The following STXBP2 variants were observed in gnomAD, a reference collection of about 807,000 sequenced individuals.
STXBP2 encodes syntaxin-binding protein 2.
Under a neutral mutation model 72.2 loss-of-function variants are expected in STXBP2, and 47 were observed. The observed-to-expected ratio is 0.65, with a 90% CI of 0.51 to 0.83. The LOEUF is 0.83. STXBP2 is among the 40% of genes least tolerant of loss of function. The probability of loss-of-function intolerance (pLI) is 0.00; values close to 1 mark genes in which losing one functional copy is unlikely to be tolerated. For missense variants in STXBP2, 702 were observed against 807.6 expected (o/e 0.87, Z 1.58); for synonymous variants, 367 against 338.7 (o/e 1.08, Z -0.92).
the STXBP2 span, chr19:7,630,712 G>A: frequency 6.5e-7 from 1 of 1,531,210 alleles, no homozygotes; most frequent in East Asian, 2.4e-5. Flanking sequence ...GAGAGGGTGT[G>A]GGGCAGCAGT....
Position 7,642,560 on chromosome 19 carries a change from C to T in STXBP2, c.902+24C>T, listed in dbSNP as rs767827616. On this transcript the variant is annotated intron_variant, in intron 10 of 18. Coordinates refer to ENST00000221283, the MANE Select transcript of STXBP2 (RefSeq NM_006949.4). The surrounding 1 kb of genome is among the most constrained non-coding windows in gnomAD (Gnocchi z 6.0). ...AAGTGCGTGCACACGGGGACCGGAT[C>T]CCCCCCCCACCGCCCACTGTGGGCC... 7 of 1,523,326 alleles carry T rather than the reference C, an allele frequency of 4.6e-6. No individual in the cohort carries two copies. Among genetic ancestry groups the T allele is most frequent in the Non-Finnish European group, 6.3e-6 (7 of 1,111,660 alleles). 94.4% of individuals were successfully genotyped at this position (1,523,326 alleles called of 1,614,324 possible).
chr19:7,642,956 C>G lies in STXBP2; in HGVS notation c.961-27C>G. On this transcript the variant is annotated intron_variant, in intron 11 of 18. Transcript: ENST00000221283. The surrounding 1 kb of genome is among the most constrained non-coding windows in gnomAD (Gnocchi z 6.0). Reference sequence around the variant, plus strand: ...CACTGCCTGGCTTCGCCCCCCAATCCCTACCCTCTTCCCCCTACTTCCCCA... The same window carrying G: ...CACTGCCTGGCTTCGCCCCCCAATCGCTACCCTCTTCCCCCTACTTCCCCA... The G allele has an allele frequency of 1.9e-6, 3 of 1,614,094 alleles. No individual in the cohort carries two copies. The highest frequency in any genetic ancestry group is 1.6e-4 in the Middle Eastern group (1 of 6,062).
chr19:7,639,901 TGTGTATAC>T (rs776573107), intron 4 of STXBP2, 94 bp downstream of exon 4: 1 of 1,304,594 alleles, frequency 7.7e-7, no homozygotes, highest in Non-Finnish European at 1.1e-6. Flanking sequence ...CATGTGTGCA[TGTGTATAC>T]GTGTGCATGT....
chr19:7,631,400 G>T, the STXBP2 span: 15 of 883,526 alleles, frequency 1.7e-5, no homozygotes, highest in East Asian at 3.6e-5. Context: ...AGAGGTGGGC[G>T]GGGGGGGGTG....
At chr19:7,641,055 C>A in intron 6 of STXBP2, 52 bp downstream of exon 6, 1 of 1,577,654 alleles carries the variant, frequency 6.3e-7, no homozygotes, top group South Asian at 1.1e-5. Flanking sequence ...GACCAAATGT[C>A]CCCTGTTCCC....
Position 7,647,400 on chromosome 19 carries a change from C to A in STXBP2, c.1585C>A (p.Arg529=), listed in dbSNP as rs766121039. 1 of 1,613,490 alleles carries A rather than the reference C, an allele frequency of 6.2e-7. No homozygotes were observed. The highest frequency in any genetic ancestry group is 8.5e-7 in the Non-Finnish European group (1 of 1,179,972). ...WHKNKAGIEA[R]AGPRLIVYVM... ...CAAGAACAAGGCTGGCATAGAAGCC[C>A]GGGCGGGCCCCCGGCTCATCGTGTA... The change falls in exon 18 of 19, where the codon CGG becomes AGG. Residue 529 remains arginine, a synonymous_variant. Coordinates refer to ENST00000221283, the MANE Select transcript of STXBP2 (RefSeq NM_006949.4).
intron 2 of STXBP2, 30 bp from the exon 3 acceptor site, chr19:7,638,989 C>CTCCATCCATCTG (rs781762309): frequency 6.2e-7 from 1 of 1,613,390 alleles, no homozygotes; most frequent in African/African-American, 1.3e-5. Flanking sequence ...CCGCCTGCTC[C>CTCCATCCATCTG]TCCATCCATC....
intron 4 of STXBP2, 33 bp downstream of exon 4, chr19:7,639,840 G>C: frequency 6.3e-7 from 1 of 1,593,890 alleles, no homozygotes. Context: ...GTGTATGCGC[G>C]TGCATGCGTG....
At chr19:7,647,648 C>G in intron 18 of STXBP2, 77 bp from the exon 19 acceptor site, 1 of 1,600,082 alleles carries the variant, frequency 6.2e-7, no homozygotes, top group Non-Finnish European at 8.6e-7. Flanking sequence ...CAGCCCCACA[C>G]CAGCCGGGAC....
intron 4 of STXBP2, chr19:7,640,377 C>T (rs924574446): frequency 2.3e-5 from 13 of 553,776 alleles, no homozygotes; most frequent in Admixed American, 4.9e-5. Flanking sequence ...CGTGTGTGTG[C>T]GCATCAGTGT....
Position 7,639,742 on chromosome 19 carries a change from A to C in STXBP2, c.181A>C (p.Ile61Leu). 1 of 1,613,352 alleles carries C rather than the reference A, an allele frequency of 6.2e-7. No homozygotes were observed. The change falls in exon 4 of 19, where the codon ATC becomes CTC. Residue 61 changes from isoleucine to leucine, a missense_variant. Transcript: ENST00000221283. ...TCTGTTCCTACTAGTTGTTGAAGAC[A>C]TCAACAAACGGCGGGAACCCATTCC... ...LAEGITIVED[I>L]NKRREPIPSL...
At position 7,641,847 on chromosome 19, in the gene STXBP2, A is replaced by C; in HGVS notation, c.572A>C (p.Tyr191Ser). Residue 191 changes from tyrosine (Y) to serine (S), a missense_variant, in exon 7 of 19, where the codon TAC becomes TCC. Physicochemically the swap from Tyr to Ser is moderately radical, Grantham distance 144. Coordinates refer to ENST00000221283, the MANE Select transcript of STXBP2 (RefSeq NM_006949.4). ...ATLQEYPAIR[Y>S]RKGPEDTAQL... Reference sequence around the variant, plus strand: ...CTGCAGGAGTACCCGGCCATCCGCTACCGCAAGTGGGGACCCCACCCAGCC... The same window carrying C: ...CTGCAGGAGTACCCGGCCATCCGCTCCCGCAAGTGGGGACCCCACCCAGCC... 4 of 1,555,834 alleles carry C rather than the reference A, an allele frequency of 2.6e-6. No individual in the cohort carries two copies. In the South Asian group the frequency reaches 3.5e-5, roughly 14 times the overall value.
intron 16 of STXBP2, chr19:7,646,602 C>T: frequency 1.8e-6 from 1 of 563,250 alleles, no homozygotes; most frequent in South Asian, 1.9e-5. Context: ...CTAGTCTGTT[C>T]CCCTGTCCCG....
upstream of STXBP2, among the ~76,000 whole-genome samples, chr19:7,634,778 C>T (rs2031464884): frequency 6.6e-6 from 1 of 152,210 alleles, no homozygotes; most frequent in Non-Finnish European, 1.5e-5. Context: ...GTCTCAGGAG[C>T]CCTCCTTGCC....
At chr19:7,635,050 C>T (rs2146199428), upstream of STXBP2, among the ~76,000 whole-genome samples, 1 of 152,364 alleles carries the variant, frequency 6.6e-6, no homozygotes, top group East Asian at 1.9e-4. Flanking sequence ...ATACTAACCC[C>T]ATTTCAAATA....
In STXBP2 at chr19:7,643,027, G is replaced by A; in HGVS notation, c.1005G>A (p.Gln335=). ...CCCAGATCCTGAAAAAGATGCCGCA[G>A]TACCAGAAGGAGCTGAATAAGGTGT... ...DLSQILKKMP[Q]YQKELNKYST... Residue 335 remains glutamine, a synonymous_variant, in exon 12 of 19, where the codon CAG becomes CAA. Transcript: ENST00000221283. 1 of 1,614,190 alleles carries A rather than the reference G, an allele frequency of 6.2e-7. No homozygotes were observed. The highest frequency in any genetic ancestry group is 8.5e-7 in the Non-Finnish European group (1 of 1,180,038).
At position 7,645,397 on chromosome 19, in the gene STXBP2, A is replaced by G. The variant is rs1202695834; in HGVS notation, c.1356+91A>G. On this transcript the variant is annotated intron_variant, in intron 15 of 18. Transcript: ENST00000221283. ...GGCAGAGGGCCATTGGTGCACAGGCACGGTGTGGTTCCTGGCGTGGTGTGG... is the reference window on the plus strand; with the variant it reads ...GGCAGAGGGCCATTGGTGCACAGGCGCGGTGTGGTTCCTGGCGTGGTGTGG... 9 of 1,264,794 alleles carry G rather than the reference A, an allele frequency of 7.1e-6. No individual in the cohort carries two copies. The East Asian group carries it at 2.3e-4, about 32-fold the overall frequency. The allele number at this position is 1,264,794 out of a possible 1,614,324, so 78.3% of individuals were successfully genotyped here. A position where few individuals can be genotyped will look rare whatever the true frequency, so the allele number is the denominator to read the frequency against.
At chr19:7,635,818 C>T (rs2031507648), upstream of STXBP2, among the ~76,000 whole-genome samples, 1 of 152,094 alleles carries the variant, frequency 6.6e-6, no homozygotes, top group Non-Finnish European at 1.5e-5. Context: ...TCCTGGTTTG[C>T]CTGTGACTGT....
chr19:7,639,898 G>C (rs780409812), intron 4 of STXBP2, 91 bp downstream of exon 4: 4 of 1,365,102 alleles, frequency 2.9e-6, no homozygotes, highest in East Asian at 2.4e-5. Flanking sequence ...TTGCATGTGT[G>C]CATGTGTATA....
Sources: gnomAD v4.1 joint callset for allele counts (sites outside exome capture counted in the v4.1 genomes callset) on GRCh38, gnomAD v4.1.1 for gene constraint, Gnocchi (gnomAD v3.1) non-coding constraint, MANE v1.5 for transcripts, NCBI Gene and HGNC (gene_info 2026-07-23, HGNC 2026-07-21) for gene names.